Variants in RNFT2 observed in about 807,000 individuals in gnomAD.
The protein encoded by RNFT2 is E3 ubiquitin-protein ligase RNFT2.
In RNFT2, 36 loss-of-function variants were observed where a neutral mutation model predicts 53.0. The ratio of observed to expected loss-of-function variants is 0.68; its 90% CI spans 0.52 to 0.90. The LOEUF is 0.90. Ranked by LOEUF, RNFT2 falls within the 40% of genes least tolerant of loss-of-function variation. RNFT2 has a pLI of 0.00. For synonymous variants in RNFT2, 260 were observed against 253.2 expected (o/e 1.03, Z -0.26); for missense variants, 514 against 585.6 (o/e 0.88, Z 1.26).
intron 7 of RNFT2, among the ~76,000 whole-genome samples, chr12:116,829,617 G>C (rs565952233): frequency 2.6e-5 from 4 of 152,276 alleles, no homozygotes; most frequent in African/African-American, 9.6e-5. Context: ...GAATATAAAA[G>C]TTGGCTATAA....
At chr12:116,767,180 T>A (rs116992776) in intron 6 of RNFT2, among the ~76,000 whole-genome samples, 4,628 of 152,312 alleles carry the variant, frequency 0.03, 83 homozygotes, top group Middle Eastern at 0.054. Flanking sequence ...TGATTTTATT[T>A]AACCCAGTAT....
chr12:116,787,034 C>T (rs1260337466), intron 7 of RNFT2, among the ~76,000 whole-genome samples: 2 of 152,132 alleles, frequency 1.3e-5, no homozygotes, highest in South Asian at 2.1e-4. Flanking sequence ...CTCCCCATGC[C>T]GATATCCTTA....
intron 3 of RNFT2, among the ~76,000 whole-genome samples, chr12:116,742,265 CTTTTTT>C (rs769733957): frequency 8.9e-6 from 1 of 112,240 alleles, no homozygotes; most frequent in Admixed American, 9.3e-5. Context: ...GAGGTGGTTT[CTTTTTT>C]TTTTTTTTTT....
At chr12:116,750,851 A>AC (rs1491288992) in intron 4 of RNFT2, among the ~76,000 whole-genome samples, 8,952 of 105,446 alleles carry the variant, frequency 0.085, 1,365 homozygotes, top group African/African-American at 0.25. Flanking sequence ...ATATATATAT[A>AC]ATATATATTA....
intron 8 of RNFT2, 109 bp from the exon 9 acceptor site, chr12:116,835,851 G>A: frequency 2.7e-6 from 3 of 1,123,742 alleles, no homozygotes; most frequent in Non-Finnish European, 4.0e-6. Flanking sequence ...CCCTAAAAAT[G>A]TTCTGAGTCA....
intron 7 of RNFT2, among the ~76,000 whole-genome samples, chr12:116,822,288 A>C (rs1220802525): frequency 6.6e-6 from 1 of 152,042 alleles, no homozygotes; most frequent in Non-Finnish European, 1.5e-5. Context: ...CCCAGAGGGA[A>C]GCAGGGCCAT....
At chr12:116,748,782 A>T in intron 3 of RNFT2, 4 of 381,480 alleles carry the variant, frequency 1.0e-5, no homozygotes, top group South Asian at 7.4e-5. Context: ...CTCCCTTTTC[A>T]ACGAAGTGTG....
chr12:116,795,550 G>C (rs1003391314), intron 7 of RNFT2, among the ~76,000 whole-genome samples: 68 of 152,184 alleles, frequency 4.5e-4, no homozygotes, highest in African/African-American at 1.6e-3. Flanking sequence ...GAGTTCCTCA[G>C]TTGCACCAAC....
chr12:116,740,521 G>C lies in RNFT2; in HGVS notation c.24G>C (p.Gln8His), dbSNP rs1380057583. The change falls in exon 2 of 11, where the codon CAG (glutamine) becomes CAC (histidine). Residue 8 changes from glutamine (Q) to histidine (H), a missense_variant and splice_region_variant. By Grantham distance (24) the Gln-to-His change is conservative. Coordinates refer to ENST00000257575, the MANE Select transcript of RNFT2 (RefSeq NM_001382266.1). ...CCATGTGGCTCTTCACAGTGAATCA[G>C]GTGACACGTCTCCAAGAGAATTTGC... is the stretch of plus-strand genomic sequence containing the variant. MWLFTVN[Q>H]VLRKMQRRHS... 5.7e-6 allele frequency: 9 copies of C among 1,571,008 alleles called. No homozygotes were observed. The highest frequency in any genetic ancestry group is 7.8e-6 in the Non-Finnish European group (9 of 1,156,826).
intron 10 of RNFT2, among the ~76,000 whole-genome samples, chr12:116,845,243 C>CAA (rs66920809): frequency 0.026 from 2,119 of 82,668 alleles, 83 homozygotes; most frequent in African/African-American, 0.088. Flanking sequence ...GACCCGGTTT[C>CAA]AAAAAAAAAA....
chr12:116,763,293 C>G (rs1222985457), intron 5 of RNFT2, among the ~76,000 whole-genome samples: 1 of 152,108 alleles, frequency 6.6e-6, no homozygotes, highest in East Asian at 1.9e-4. Flanking sequence ...CACTACCGAT[C>G]AGGGAAATGC....
chr12:116,776,895 G>C (rs1227254899), intron 6 of RNFT2, among the ~76,000 whole-genome samples: 2 of 150,460 alleles, frequency 1.3e-5, no homozygotes, highest in Non-Finnish European at 3.0e-5. Flanking sequence ...TAGTGCCCCA[G>C]TGTCCTCAGC....
chr12:116,741,577 A>C (rs916051987), intron 3 of RNFT2, among the ~76,000 whole-genome samples: 5 of 152,186 alleles, frequency 3.3e-5, no homozygotes, highest in African/African-American at 9.7e-5. Context: ...TAAGGGCACT[A>C]ATCCCATTCG....
intron 6 of RNFT2, 96 bp from the exon 7 acceptor site, chr12:116,779,096 TTTC>T: frequency 1.5e-6 from 2 of 1,292,770 alleles, no homozygotes; most frequent in Non-Finnish European, 2.2e-6. Context: ...TTCAGCGCTC[TTTC>T]TACAGGTGAT....
intron 10 of RNFT2, among the ~76,000 whole-genome samples, chr12:116,842,685 T>C (rs1033665529): frequency 1.3e-5 from 2 of 152,174 alleles, no homozygotes; most frequent in Admixed American, 1.3e-4. Context: ...GCGATTCTCC[T>C]GCCTCAGCCT....
chr12:116,833,615 C>T (rs895468614), intron 7 of RNFT2, among the ~76,000 whole-genome samples, 177 bp from the exon 8 acceptor site: 1 of 152,182 alleles, frequency 6.6e-6, no homozygotes, highest in Non-Finnish European at 1.5e-5. Flanking sequence ...GGGCAGGGGC[C>T]GCGTCTCCCT....
At chr12:116,765,926 CTTAATAATCA>C (rs1566074588) in intron 5 of RNFT2, among the ~76,000 whole-genome samples, 1 of 152,140 alleles carries the variant, frequency 6.6e-6, no homozygotes, top group Non-Finnish European at 1.5e-5. Context: ...GTTGTAAACT[CTTAATAATCA>C]GTCCTACCCC....
intron 5 of RNFT2, among the ~76,000 whole-genome samples, chr12:116,762,677 A>G (rs1872735993): frequency 6.6e-6 from 1 of 151,022 alleles, no homozygotes; most frequent in Admixed American, 6.6e-5. Context: ...CCTCCCAAGT[A>G]GCGAGATTAC....
chr12:116,833,698 A>T, intron 7 of RNFT2, 94 bp from the exon 8 acceptor site: 1 of 1,284,844 alleles, frequency 7.8e-7, no homozygotes, highest in Non-Finnish European at 1.1e-6. Context: ...CCTGTGACCT[A>T]GAATGTCATC....
Sources: gnomAD v4.1 joint callset for allele counts (sites outside exome capture counted in the v4.1 genomes callset) on GRCh38, gnomAD v4.1.1 for gene constraint, MANE v1.5 for transcripts, NCBI Gene and HGNC (gene_info 2026-07-23, HGNC 2026-07-21) for gene names.